The following CDC14B variants were observed in gnomAD, a reference collection of about 807,000 sequenced individuals.
CDC14B encodes dual specificity protein phosphatase CDC14B.
CDC14B carries 22 observed loss-of-function variants against 64.2 expected under a neutral mutation model. That is an observed-to-expected ratio of 0.34 (90% CI 0.24 to 0.49). The LOEUF (loss-of-function observed/expected upper bound fraction) is 0.49. Among genes scored for constraint, CDC14B ranks in the 20% least tolerant of loss-of-function variants. CDC14B has a pLI of 0.99. For missense variants in CDC14B, 498 were observed against 629.9 expected, an observed-to-expected ratio of 0.79 and a Z score of 2.24; for synonymous variants, 191 against 215.8, an observed-to-expected ratio of 0.89 and a Z score of 1.01.
intron 9 of CDC14B, among the ~76,000 whole-genome samples, chr9:96,530,378 C>T (rs1476420744): frequency 6.6e-6 from 1 of 151,372 alleles, no homozygotes; most frequent in African/African-American, 2.4e-5. Flanking sequence ...CTGCAACCTC[C>T]ACCTCCCAGA....
intron 13 of CDC14B, among the ~76,000 whole-genome samples, chr9:96,506,028 C>T (rs879253278): frequency 6.6e-6 from 1 of 152,116 alleles, no homozygotes; most frequent in African/African-American, 2.4e-5. Context: ...ACCAATTAAG[C>T]GCAAAGCGAG....
At chr9:96,606,643 C>T (rs1197270770) in intron 1 of CDC14B, among the ~76,000 whole-genome samples, 7 of 151,406 alleles carry the variant, frequency 4.6e-5, no homozygotes, top group Admixed American at 1.3e-4. Context: ...CTCAGCTCAA[C>T]GCAACCTCTA....
intron 11 of CDC14B, 88 bp downstream of exon 11, chr9:96,523,173 A>C: frequency 7.2e-7 from 1 of 1,384,826 alleles, no homozygotes; most frequent in South Asian, 1.3e-5. Context: ...CTGCTTTATT[A>C]TTTTACCTAC....
chr9:96,517,612 C>G (rs1206912346), intron 12 of CDC14B, among the ~76,000 whole-genome samples: 1 of 133,962 alleles, frequency 7.5e-6, no homozygotes, highest in Non-Finnish European at 1.6e-5. Flanking sequence ...CCACTGCACT[C>G]CAGCCTGGGC....
In CDC14B at chr9:96,563,339, A is replaced by G. The variant is rs148916296; in HGVS notation, c.328-554T>C. 5.9e-5 allele frequency among the ~76,000 whole-genome samples: 9 copies of G among 152,318 alleles called. No homozygotes were observed. The South Asian group carries it at 1.9e-3, about 32-fold the overall frequency. On this transcript the variant is annotated intron_variant, in intron 3 of 13. Coordinates refer to ENST00000375241, the MANE Select transcript of CDC14B (RefSeq NM_033331.4). ...ATTGAGCTCTACATCCATGATGTGT[A>G]CATATTTCTATTTATATGTTAAAAA... is the stretch of plus-strand genomic sequence containing the variant.
intron 1 of CDC14B, among the ~76,000 whole-genome samples, chr9:96,590,920 T>C (rs959588208): frequency 3.9e-5 from 6 of 152,178 alleles, no homozygotes; most frequent in Non-Finnish European, 8.8e-5. Flanking sequence ...TTTAGAAAAC[T>C]GTTGATTCAA....
intron 1 of CDC14B, among the ~76,000 whole-genome samples, chr9:96,595,603 C>T (rs547309696): frequency 1.8e-4 from 27 of 152,126 alleles, no homozygotes; most frequent in African/African-American, 6.0e-4. Flanking sequence ...AATATGATAC[C>T]GTCATACAAT....
chr9:96,491,155 C>G (rs1833089301), exon 14 of CDC14B: 1 of 152,260 alleles, frequency 6.6e-6, no homozygotes, highest in African/African-American at 2.4e-5. Context: ...GGGTGTTGCT[C>G]TCCCCGCTTT....
chr9:96,497,365 G>A (rs542283381), downstream of CDC14B, among the ~76,000 whole-genome samples: 1 of 152,352 alleles, frequency 6.6e-6, no homozygotes, highest in East Asian at 1.9e-4. Flanking sequence ...GAGGCGCTGG[G>A]GAGGAATCCG....
chr9:96,504,729 G>A (rs534111314), intron 13 of CDC14B, among the ~76,000 whole-genome samples: 22 of 152,296 alleles, frequency 1.4e-4, no homozygotes, highest in African/African-American at 4.3e-4. Context: ...CAGAGGCAAC[G>A]GAACAGGTGC....
At chr9:96,580,923 T>G (rs935277707) in intron 1 of CDC14B, among the ~76,000 whole-genome samples, 23 of 152,140 alleles carry the variant, frequency 1.5e-4, no homozygotes, top group African/African-American at 5.6e-4. Context: ...TAAGGTAAAT[T>G]TATATGTATA....
At chr9:96,526,072 A>G (rs1233087475) in intron 9 of CDC14B, among the ~76,000 whole-genome samples, 1 of 151,992 alleles carries the variant, frequency 6.6e-6, no homozygotes, top group Admixed American at 6.6e-5. Flanking sequence ...TACTTCTAAG[A>G]AAAAAAAGAG....
chr9:96,540,673 C>G (rs1839926110), intron 6 of CDC14B, among the ~76,000 whole-genome samples: 1 of 151,854 alleles, frequency 6.6e-6, no homozygotes, highest in African/African-American at 2.4e-5. Context: ...TTTCCAAACC[C>G]CTCAAAGCTT....
intron 5 of CDC14B, among the ~76,000 whole-genome samples, chr9:96,544,440 C>T (rs1840516557): frequency 6.6e-6 from 1 of 152,164 alleles, no homozygotes; most frequent in Admixed American, 6.5e-5. Context: ...ATGTTACTGA[C>T]TGAGCTGCTT....
At chr9:96,530,655 T>G (rs1648208945) in intron 9 of CDC14B, among the ~76,000 whole-genome samples, 1 of 148,408 alleles carries the variant, frequency 6.7e-6, no homozygotes, top group Non-Finnish European at 1.5e-5. Flanking sequence ...TAATTTCGAT[T>G]TTTTTTTTTT....
chr9:96,577,250 C>CA lies in CDC14B; in HGVS notation c.161-11768dup, dbSNP rs750429617. On this transcript the variant is annotated intron_variant, in intron 1 of 13. Transcript: ENST00000375241. ...TGGGTGACAGAGCGAGACTCCATCT[C>CA]AAAAAAAAAAAAAAAAGTTTTGATG... is the stretch of plus-strand genomic sequence containing the variant. Among the ~76,000 whole-genome samples, 390 of 82,336 alleles carry CA rather than the reference C, an allele frequency of 4.7e-3. 13 individuals carry two copies. The highest frequency in any genetic ancestry group is 0.02 in the Middle Eastern group (2 of 98). The allele number at this position is 82,336 out of a possible 152,430, so 54.0% of individuals were successfully genotyped here.
chr9:96,594,987 C>T (rs1168753789), intron 1 of CDC14B, among the ~76,000 whole-genome samples: 5 of 152,046 alleles, frequency 3.3e-5, no homozygotes, highest in Non-Finnish European at 7.4e-5. Context: ...CCCGTCTCTA[C>T]TAAAATACAA....
intron 1 of CDC14B, among the ~76,000 whole-genome samples, chr9:96,608,892 GACACAC>G (rs59953256): frequency 0.024 from 3,413 of 144,606 alleles, 49 homozygotes; most frequent in African/African-American, 0.037. Context: ...TTAAAACACA[GACACAC>G]ACACACACAC....
At chr9:96,561,671 T>G (rs1185860016) in intron 4 of CDC14B, among the ~76,000 whole-genome samples, 2 of 150,116 alleles carry the variant, frequency 1.3e-5, no homozygotes, top group Non-Finnish European at 3.0e-5. Flanking sequence ...TTTTTTTTAG[T>G]AGAGACAGGG....
Sources: gnomAD v4.1 joint callset for allele counts (sites outside exome capture counted in the v4.1 genomes callset) on GRCh38, gnomAD v4.1.1 for gene constraint, MANE v1.5 for transcripts, NCBI Gene and HGNC (gene_info 2026-07-23, HGNC 2026-07-21) for gene names.